Variants in UBE2V2 observed in about 807,000 individuals in gnomAD.
UBE2V2 encodes the protein ubiquitin-conjugating enzyme E2 variant 2.
UBE2V2 carries 9 observed loss-of-function variants against 17.2 expected under a neutral mutation model. The observed-to-expected ratio is 0.52, with a 90% CI of 0.32 to 0.91. The LOEUF (loss-of-function observed/expected upper bound fraction) is 0.91, where lower values mean the gene tolerates loss of function less well. Among genes scored for constraint, UBE2V2 ranks in the 40% least tolerant of loss-of-function variants. UBE2V2 has a pLI of 0.04. For synonymous variants in UBE2V2, 61 were observed against 57.5 expected (o/e 1.06, Z -0.28); for missense variants, 133 against 182.6 (o/e 0.73, Z 1.56).
At chr8:48,028,669 A>G (rs2091362764) in intron 1 of UBE2V2, among the ~76,000 whole-genome samples, 1 of 151,786 alleles carries the variant, frequency 6.6e-6, no homozygotes, top group South Asian at 2.1e-4. Context: ...TAGTTTTAGT[A>G]GAGACGGAGT....
upstream of UBE2V2, among the ~76,000 whole-genome samples, chr8:48,006,946 T>C (rs1345929490): frequency 6.6e-6 from 1 of 152,074 alleles, no homozygotes; most frequent in East Asian, 1.9e-4. Flanking sequence ...AGTGTCGCCA[T>C]CTCGGTTCAC....
chr8:48,055,463 A>T (rs772089506), intron 3 of UBE2V2, among the ~76,000 whole-genome samples: 2 of 152,066 alleles, frequency 1.3e-5, no homozygotes, highest in Non-Finnish European at 1.5e-5. Context: ...AGCCTACCAA[A>T]GTGCTGGGAT....
intron 1 of UBE2V2, chr8:48,008,671 T>G: frequency 1.7e-6 from 1 of 592,934 alleles, no homozygotes; most frequent in Non-Finnish European, 2.3e-6. Context: ...CGGGTCGTGC[T>G]CGCGCGTCGG....
In UBE2V2 at chr8:48,043,056, C is replaced by T. The variant is rs1400793726; in HGVS notation, c.40C>T (p.Arg14Cys). The T allele has an allele frequency of 1.9e-6, 3 of 1,571,206 alleles. No individual in the cohort carries two copies. The highest frequency in any genetic ancestry group is 1.7e-6 in the Non-Finnish European group (2 of 1,158,158). ...AGGAGTTAAAGTTCCTCGTAATTTT[C>T]GCTTGTTGGAAGAACTTGAAGAAGG... ...STGVKVPRNF[R>C]LLEELEEGQK... The change falls in exon 2 of 4, where the codon CGC becomes TGC. Residue 14 changes from arginine to cysteine, a missense_variant. Physicochemically the swap from Arg to Cys is radical, Grantham distance 180 (BLOSUM62 -3). Transcript: ENST00000523111.
intron 1 of UBE2V2, among the ~76,000 whole-genome samples, chr8:48,040,749 A>G (rs1418316814): frequency 1.3e-5 from 2 of 151,382 alleles, no homozygotes; most frequent in Non-Finnish European, 2.9e-5. Context: ...GCAGCCTTCC[A>G]AGTAGCTGGT....
At chr8:48,011,779 G>A (rs954239595) in intron 1 of UBE2V2, among the ~76,000 whole-genome samples, 1 of 152,102 alleles carries the variant, frequency 6.6e-6, no homozygotes, top group African/African-American at 2.4e-5. Context: ...TCAGCCTCCC[G>A]AGTAGCTGCG....
intron 3 of UBE2V2, among the ~76,000 whole-genome samples, chr8:48,051,777 T>C (rs577445702): frequency 1.9e-3 from 292 of 152,162 alleles, no homozygotes; most frequent in African/African-American, 6.9e-3. Context: ...GGCTGGTGCA[T>C]CCAGCAGGGA....
At chr8:48,018,599 A>T (rs924971229) in intron 1 of UBE2V2, among the ~76,000 whole-genome samples, 5 of 152,182 alleles carry the variant, frequency 3.3e-5, no homozygotes, top group Admixed American at 6.5e-5. Context: ...AGAATGTTCC[A>T]TGTGCAGCTT....
intron 1 of UBE2V2, among the ~76,000 whole-genome samples, chr8:48,020,785 G>A (rs1362899676): frequency 2.0e-5 from 3 of 151,868 alleles, no homozygotes; most frequent in Admixed American, 6.6e-5. Context: ...TTATTTTCTT[G>A]TAGATACGGG....
chr8:48,016,532 G>A (rs2091270094), intron 1 of UBE2V2, among the ~76,000 whole-genome samples: 1 of 151,918 alleles, frequency 6.6e-6, no homozygotes, highest in Admixed American at 6.6e-5. Flanking sequence ...GCCCAGGCTG[G>A]AGTGCAATGG....
intron 3 of UBE2V2, among the ~76,000 whole-genome samples, chr8:48,057,410 C>T (rs1187513552): frequency 6.6e-6 from 1 of 151,892 alleles, no homozygotes; most frequent in Non-Finnish European, 1.5e-5. Context: ...CAAGCAATTC[C>T]TGTGTCTCGG....
At chr8:48,006,138 T>C (rs1028688951), upstream of UBE2V2, among the ~76,000 whole-genome samples, 1 of 152,266 alleles carries the variant, frequency 6.6e-6, no homozygotes, top group Non-Finnish European at 1.5e-5. Flanking sequence ...AGGGTTTTTA[T>C]GGTTTTAGGT....
chr8:48,045,062 G>A (rs747686767), intron 2 of UBE2V2, among the ~76,000 whole-genome samples: 2 of 152,084 alleles, frequency 1.3e-5, no homozygotes, highest in Non-Finnish European at 2.9e-5. Context: ...ACTGGGATGG[G>A]GGTGAAGGCT....
chr8:48,050,942 C>T (rs1455098467), intron 3 of UBE2V2, among the ~76,000 whole-genome samples: 1 of 152,106 alleles, frequency 6.6e-6, no homozygotes, highest in Non-Finnish European at 1.5e-5. Context: ...TTCCTGTGGC[C>T]TCAAGTGATT....
chr8:48,015,948 A>C (rs1296642354), intron 1 of UBE2V2, among the ~76,000 whole-genome samples: 1 of 133,912 alleles, frequency 7.5e-6, no homozygotes, highest in Non-Finnish European at 1.5e-5. Flanking sequence ...CCCAGGCTGG[A>C]GTGCAGTGGC....
chr8:48,018,114 G>C (rs1485772179), intron 1 of UBE2V2, among the ~76,000 whole-genome samples: 1 of 152,138 alleles, frequency 6.6e-6, no homozygotes, highest in East Asian at 1.9e-4. Flanking sequence ...TGGGATTACA[G>C]GTGTGAGCCA....
chr8:48,056,728 TTTTG>T lies in UBE2V2; in HGVS notation c.292-3946_292-3943del, dbSNP rs536777413. Among the ~76,000 whole-genome samples, 109 of 152,020 alleles carry T rather than the reference TTTTG, an allele frequency of 7.2e-4. No homozygotes were observed. The South Asian group carries it at 0.011, about 15-fold the overall frequency. On this transcript the variant is annotated intron_variant, in intron 3 of 3. Transcript: ENST00000523111. ...ACTACCGTAGCTTTGTAGTAAGTTT[TTTTG>T]TTTGTTTTTGAGACAGAGTCTTGCT... is the stretch of plus-strand genomic sequence containing the variant.
chr8:48,025,014 AACCT>A (rs1338186088), intron 1 of UBE2V2, among the ~76,000 whole-genome samples: 1 of 151,370 alleles, frequency 6.6e-6, no homozygotes, highest in Non-Finnish European at 1.5e-5. Context: ...AGCTCACTGC[AACCT>A]CCGCTTCCTG....
intron 1 of UBE2V2, among the ~76,000 whole-genome samples, chr8:48,015,563 T>C (rs1277126475): frequency 1.3e-5 from 2 of 152,126 alleles, no homozygotes; most frequent in African/African-American, 2.4e-5. Context: ...CTAATCACCA[T>C]GCTATACAGT....
Sources: gnomAD v4.1 joint callset for allele counts (sites outside exome capture counted in the v4.1 genomes callset) on GRCh38, gnomAD v4.1.1 for gene constraint, MANE v1.5 for transcripts, NCBI Gene and HGNC (gene_info 2026-07-23, HGNC 2026-07-21) for gene names.